Variants in CEP128 observed in about 807,000 individuals in gnomAD.
CEP128 encodes centrosomal protein 128kDa.
Under a neutral mutation model 156.7 loss-of-function variants are expected in CEP128, and 132 were observed. The observed-to-expected ratio is 0.84, with a 90% CI of 0.73 to 0.97. The LOEUF is 0.97. Ranked by LOEUF, CEP128 falls within the 50% of genes least tolerant of loss-of-function variation. The pLI is 0.00. For missense variants in CEP128, 1,252 were observed against 1,281.9 expected (o/e 0.98, Z 0.36); for synonymous variants, 469 against 448.9 (o/e 1.04, Z -0.57).
chr14:80,875,211 G>A lies in CEP128; in HGVS notation c.646-12338C>T, dbSNP rs541811671. Among the ~76,000 whole-genome samples, 18 of 152,256 alleles carry A rather than the reference G, an allele frequency of 1.2e-4. No homozygotes were observed. In the South Asian group the frequency reaches 2.3e-3, roughly 19 times the overall value. ...GGACTGGAATCCTGAAGGGCTATAC[G>A]CAAGTAGTAAGGGTGAACCAGAAAT... On this transcript the variant is annotated intron_variant, in intron 8 of 24. Coordinates refer to ENST00000555265, the MANE Select transcript of CEP128 (RefSeq NM_152446.5).
At position 80,862,796 on chromosome 14, in the gene CEP128, G is replaced by T. The variant is rs1212780645; in HGVS notation, c.723C>A (p.Arg241=). The T allele has an allele frequency of 6.2e-7, 1 of 1,613,722 alleles. No homozygotes were observed. Among genetic ancestry groups the T allele is most frequent in the Non-Finnish European group, 8.5e-7 (1 of 1,179,818 alleles). ...GGGACATGAGTCCCAGTTGATCCTG[G>T]CGTCTTTCCACCAGCTCCCTTTCTG... The part of the protein sequence containing the change: ...MRTERELVER[R]QDQLGLMSLQ... Residue 241 remains arginine, a synonymous_variant, in exon 9 of 25, where the codon CGC becomes CGA. Transcript: ENST00000555265.
chr14:80,793,047 CCTT>C lies in CEP128; in HGVS notation c.1270_1272del (p.Lys424del), dbSNP rs745986448. On this transcript the variant is annotated inframe_deletion, in exon 14 of 25. Transcript: ENST00000555265. ...CATGTGTCAAAGTGATTCTGGATCTCCTTAAGTCGATCCAACATCTGCAGTTGC... is the reference window on the plus strand; with the variant it reads ...CATGTGTCAAAGTGATTCTGGATCTCAAGTCGATCCAACATCTGCAGTTGC... The C allele has an allele frequency of 6.2e-7, 1 of 1,614,144 alleles. No individual in the cohort carries two copies. The highest frequency in any genetic ancestry group is 1.1e-5 in the South Asian group (1 of 91,084).
intron 6 of CEP128, among the ~76,000 whole-genome samples, chr14:80,902,850 T>C (rs766723820): frequency 1.3e-5 from 2 of 152,110 alleles, no homozygotes; most frequent in Non-Finnish European, 2.9e-5. Context: ...TTAGCAGGGC[T>C]TACAAAAAAT....
rs60007458 is a variant in CEP128 at position 80,613,292 on chromosome 14, A to AT, written c.2807-32870dup. On this transcript the variant is annotated intron_variant, in intron 19 of 24. Coordinates refer to ENST00000555265, the MANE Select transcript of CEP128 (RefSeq NM_152446.5). ...GCTCAAAACTCAAACAATGGAGAGCATTTTTTTTTTTTTTTTTTTTTTTTT... is the reference window on the plus strand; with the variant it reads ...GCTCAAAACTCAAACAATGGAGAGCATTTTTTTTTTTTTTTTTTTTTTTTTT... 8.1e-3 allele frequency among the ~76,000 whole-genome samples: 527 copies of AT among 65,428 alleles called. 67 individuals carry two copies. The highest frequency in any genetic ancestry group is 0.01 in the Non-Finnish European group (393 of 37,770). The allele number at this position is 65,428 out of a possible 152,430, so 42.9% of individuals were successfully genotyped here. A position where few individuals can be genotyped will look rare whatever the true frequency, so the allele number is the denominator to read the frequency against.
intron 19 of CEP128, among the ~76,000 whole-genome samples, chr14:80,723,803 T>C (rs753304743): frequency 6.6e-6 from 1 of 152,148 alleles, no homozygotes; most frequent in Admixed American, 6.5e-5. Context: ...TGGGAGACCA[T>C]ACAAAGCCCA....
At chr14:80,651,843 G>C (rs1248476380) in intron 19 of CEP128, among the ~76,000 whole-genome samples, 1 of 151,956 alleles carries the variant, frequency 6.6e-6, no homozygotes, top group Non-Finnish European at 1.5e-5. Context: ...CCAATTATGT[G>C]GTCAGTTTTA....
chr14:80,534,902 CTTTAG>C (rs1215035003), intron 21 of CEP128, among the ~76,000 whole-genome samples: 1 of 148,634 alleles, frequency 6.7e-6, no homozygotes, highest in Non-Finnish European at 1.5e-5. Flanking sequence ...CTTAATTTGT[CTTTAG>C]TTGTTTTCGA....
rs1280967862 is a variant in CEP128, at chr14:80,530,820, T to C, written c.2947A>G (p.Lys983Glu). ...PEKLSLLEDF[K>E]DFRDSCSSSE... ...CAACTCTTTCTCACTCTGAAGTCTT[T>C]GAAATCTTCTAGTAGGCTCAGTTTC... The change falls in exon 22 of 25, where the codon AAA becomes GAA. Residue 983 changes from lysine to glutamate, a missense_variant. Physicochemically the swap from Lys to Glu is moderately conservative, Grantham distance 56. Coordinates refer to ENST00000555265, the MANE Select transcript of CEP128 (RefSeq NM_152446.5). The C allele has an allele frequency of 1.9e-6, 3 of 1,603,752 alleles. No homozygotes were observed. The highest frequency in any genetic ancestry group is 2.6e-6 in the Non-Finnish European group (3 of 1,174,300).
chr14:80,708,224 T>C (rs1030676343), intron 19 of CEP128, among the ~76,000 whole-genome samples: 1 of 152,178 alleles, frequency 6.6e-6, no homozygotes, highest in Non-Finnish European at 1.5e-5. Flanking sequence ...TATCTTTTGA[T>C]ATACATTCCT....
chr14:80,657,939 A>G (rs1268722645), intron 19 of CEP128, among the ~76,000 whole-genome samples: 1 of 152,122 alleles, frequency 6.6e-6, no homozygotes, highest in Non-Finnish European at 1.5e-5. Context: ...GAAGGCAAGA[A>G]CTCTTACGTA....
At chr14:80,698,950 C>G (rs1432000160) in intron 19 of CEP128, among the ~76,000 whole-genome samples, 3 of 151,994 alleles carry the variant, frequency 2.0e-5, no homozygotes, top group African/African-American at 7.2e-5. Context: ...AGCCTCAAAA[C>G]AATGCCTAAA....
intron 12 of CEP128, among the ~76,000 whole-genome samples, chr14:80,831,667 A>AT (rs904635178): frequency 2.6e-5 from 4 of 151,508 alleles, no homozygotes; most frequent in Non-Finnish European, 5.9e-5. Context: ...TCTACAAAAT[A>AT]TTTTTTTTGC....
chr14:80,587,206 T>C (rs1005492329), intron 19 of CEP128, among the ~76,000 whole-genome samples: 2 of 152,208 alleles, frequency 1.3e-5, no homozygotes, highest in African/African-American at 4.8e-5. Context: ...AACTCTGCCA[T>C]ATCTACTGCC....
chr14:80,942,095 A>G (rs1008131699), upstream of CEP128, among the ~76,000 whole-genome samples: 7 of 151,748 alleles, frequency 4.6e-5, no homozygotes, highest in African/African-American at 1.5e-4. Flanking sequence ...TAAGATGGGG[A>G]AGTAGAAAAA....
At chr14:80,934,984 C>G (rs1442814249) in intron 2 of CEP128, among the ~76,000 whole-genome samples, 6 of 152,144 alleles carry the variant, frequency 3.9e-5, no homozygotes, top group African/African-American at 1.2e-4. Flanking sequence ...TATGTATGCT[C>G]TCTCATTTGA....
At chr14:80,723,077 C>T (rs984270403) in intron 19 of CEP128, among the ~76,000 whole-genome samples, 6 of 152,022 alleles carry the variant, frequency 3.9e-5, no homozygotes, top group Non-Finnish European at 7.4e-5. Context: ...CCGCCCGCCT[C>T]GGCCTCCCAA....
chr14:80,490,593 CAG>C (rs1264177861), exon 7 of CEP128: 1 of 152,152 alleles, frequency 6.6e-6, no homozygotes, highest in Non-Finnish European at 1.5e-5. Flanking sequence ...GATGAATGGG[CAG>C]AGTCCTGGCA....
intron 19 of CEP128, among the ~76,000 whole-genome samples, chr14:80,590,649 A>AG (rs913365785): frequency 4.6e-5 from 7 of 152,242 alleles, no homozygotes; most frequent in African/African-American, 1.7e-4. Context: ...TTAGAAGAGG[A>AG]GAAAAAAAAG....
intron 23 of CEP128, among the ~76,000 whole-genome samples, chr14:80,521,508 C>CA (rs1483244095): frequency 6.6e-6 from 1 of 152,140 alleles, no homozygotes; most frequent in Non-Finnish European, 1.5e-5. Flanking sequence ...AATACCAATT[C>CA]AACTGGCAAC....
Sources: allele counts gnomAD v4.1 joint callset (sites outside exome capture counted in the v4.1 genomes callset), GRCh38; gene constraint gnomAD v4.1.1; transcripts MANE v1.5; gene names NCBI Gene and HGNC (gene_info 2026-07-23, HGNC 2026-07-21).